The following OXR1 variants were observed in gnomAD, a reference collection of about 807,000 sequenced individuals.
OXR1 encodes the protein oxidation resistance 1, also known as oxidation resistance protein 1.
A neutral mutation model predicts 104.6 loss-of-function variants in OXR1; 41 were observed. That is an observed-to-expected ratio of 0.39 (90% CI 0.31 to 0.51). The LOEUF is 0.51. Among genes scored for constraint, OXR1 ranks in the 20% least tolerant of loss-of-function variants. The pLI, the probability that OXR1 is intolerant of heterozygous loss-of-function variation, is 0.77. For missense variants in OXR1, 955 were observed against 1,031.9 expected (o/e 0.93, Z 1.02); for synonymous variants, 348 against 348.4 (o/e 1.00, Z 0.01).
chr8:106,447,949 C>T (rs931163690), intron 2 of OXR1: 10 of 1,534,904 alleles, frequency 6.5e-6, no homozygotes, highest in Middle Eastern at 3.5e-4. Flanking sequence ...ACGGGGCTCA[C>T]AGGTAACAGA....
In OXR1 at chr8:106,752,656, G is replaced by C. The variant is rs765540732; in HGVS notation, c.*1715G>C. On this transcript the variant is annotated 3_prime_UTR_variant, in exon 17 of 17. Transcript: ENST00000517566. ...GGATTTCTACTAAAATAAGGTCATA[G>C]TGGCATATACCAAATAAAATCAAAT... is the stretch of plus-strand genomic sequence containing the variant. 1 of 152,386 alleles carries C rather than the reference G, an allele frequency of 6.6e-6. No individual in the cohort carries two copies. Among genetic ancestry groups the C allele is most frequent in the Non-Finnish European group, 1.5e-5 (1 of 67,936 alleles). 9.4% of individuals were successfully genotyped at this position (152,386 alleles called of 1,614,324 possible). A position where few individuals can be genotyped will look rare whatever the true frequency, so the allele number is the denominator to read the frequency against.
At chr8:106,622,485 A>ACC (rs1554605211) in intron 3 of OXR1, among the ~76,000 whole-genome samples, 15,082 of 130,124 alleles carry the variant, frequency 0.12, 1,030 homozygotes, top group East Asian at 0.28. Flanking sequence ...ACACACACAC[A>ACC]CCCCTTACTT....
intron 3 of OXR1, among the ~76,000 whole-genome samples, chr8:106,613,323 G>C (rs973194457): frequency 1.3e-5 from 2 of 152,208 alleles, no homozygotes; most frequent in Non-Finnish European, 2.9e-5. Context: ...ATCTGGTTTA[G>C]TGAAGGCTCT....
intron 1 of OXR1, among the ~76,000 whole-genome samples, chr8:106,337,258 G>A (rs1159694235): frequency 6.6e-6 from 1 of 152,102 alleles, no homozygotes; most frequent in African/African-American, 2.4e-5. Flanking sequence ...GCCTAGATAG[G>A]TACTGCAGAT....
At chr8:106,324,363 G>A (rs534755867) in intron 1 of OXR1, among the ~76,000 whole-genome samples, 1 of 152,214 alleles carries the variant, frequency 6.6e-6, no homozygotes, top group East Asian at 1.9e-4. Flanking sequence ...CTACTTGAGG[G>A]AGGAGGTTGG....
chr8:106,714,476 T>C (rs542759142), intron 11 of OXR1, among the ~76,000 whole-genome samples: 3 of 152,186 alleles, frequency 2.0e-5, no homozygotes, highest in African/African-American at 7.2e-5. Flanking sequence ...TTGACTTAAA[T>C]TTTTCAATAA....
chr8:106,575,230 T>C (rs1359905661), intron 3 of OXR1, among the ~76,000 whole-genome samples: 1 of 152,174 alleles, frequency 6.6e-6, no homozygotes, highest in African/African-American at 2.4e-5. Flanking sequence ...TCTGATTTTG[T>C]ATTTATTAAT....
chr8:106,289,414 T>C (rs1467405664), intron 1 of OXR1, among the ~76,000 whole-genome samples: 2 of 151,974 alleles, frequency 1.3e-5, no homozygotes, highest in African/African-American at 2.4e-5. Context: ...CCATTTACAA[T>C]AGCCACAAAG....
chr8:106,438,133 G>T (rs1330107184), intron 2 of OXR1, among the ~76,000 whole-genome samples: 1 of 152,116 alleles, frequency 6.6e-6, no homozygotes, highest in Non-Finnish European at 1.5e-5. Context: ...TGTAATATGT[G>T]TGGATCTCTT....
chr8:106,523,038 C>A (rs2130145690), intron 3 of OXR1, among the ~76,000 whole-genome samples: 1 of 152,242 alleles, frequency 6.6e-6, no homozygotes, highest in Non-Finnish European at 1.5e-5. Flanking sequence ...TTATTGTTGG[C>A]AGAATTCAGT....
intron 1 of OXR1, among the ~76,000 whole-genome samples, chr8:106,282,122 T>C (rs550025850): frequency 2.4e-4 from 37 of 152,274 alleles, no homozygotes; most frequent in Admixed American, 6.5e-4. Context: ...AAATAGGTGG[T>C]TTTAACCTGT....
chr8:106,640,391 T>C (rs1441843349), intron 3 of OXR1, among the ~76,000 whole-genome samples: 4 of 151,348 alleles, frequency 2.6e-5, no homozygotes, highest in South Asian at 2.1e-4. Flanking sequence ...TATATACATA[T>C]ATATTAATGA....
chr8:106,745,739 A>G (rs758646167), intron 15 of OXR1, 50 bp from the exon 16 acceptor site: 12 of 910,106 alleles, frequency 1.3e-5, no homozygotes, highest in South Asian at 1.6e-5. Flanking sequence ...CTAACTCTCT[A>G]TAATAACCAT....
At chr8:106,575,710 A>T (rs957747244) in intron 3 of OXR1, among the ~76,000 whole-genome samples, 53 of 151,928 alleles carry the variant, frequency 3.5e-4, no homozygotes, top group African/African-American at 1.3e-3. Flanking sequence ...AAAAAAAAAA[A>T]AAAAGAGAAA....
chr8:106,511,969 G>T (rs888219866), intron 2 of OXR1, among the ~76,000 whole-genome samples: 4 of 152,080 alleles, frequency 2.6e-5, no homozygotes, highest in Non-Finnish European at 5.9e-5. Flanking sequence ...GAAATATTGC[G>T]TGTATAACAT....
At chr8:106,398,530 T>C (rs978271734) in intron 2 of OXR1, among the ~76,000 whole-genome samples, 11 of 152,162 alleles carry the variant, frequency 7.2e-5, no homozygotes, top group Admixed American at 4.6e-4. Flanking sequence ...ATCACAACCC[T>C]TTCTATTTTT....
chr8:106,747,085 G>A (rs908334724), intron 16 of OXR1, among the ~76,000 whole-genome samples: 2 of 152,270 alleles, frequency 1.3e-5, no homozygotes, highest in African/African-American at 4.8e-5. Flanking sequence ...ACAGGGAGTT[G>A]ATATTCCAGA....
At chr8:106,282,547 C>T (rs1812332147) in intron 1 of OXR1, among the ~76,000 whole-genome samples, 1 of 152,094 alleles carries the variant, frequency 6.6e-6, no homozygotes, top group South Asian at 2.1e-4. Context: ...TTACCAATAA[C>T]ATGGCTATTG....
intron 2 of OXR1, among the ~76,000 whole-genome samples, chr8:106,441,456 G>T (rs983878316): frequency 6.6e-6 from 1 of 152,110 alleles, no homozygotes; most frequent in Middle Eastern, 3.2e-3. Context: ...TGTGAAGAAC[G>T]TCAATGGTAG....
Sources: gnomAD v4.1 joint callset for allele counts (sites outside exome capture counted in the v4.1 genomes callset) on GRCh38, gnomAD v4.1.1 for gene constraint, MANE v1.5 for transcripts, NCBI Gene and HGNC (gene_info 2026-07-23, HGNC 2026-07-21) for gene names.